The following TMEM163 variants were observed in gnomAD, a reference collection of about 807,000 sequenced individuals.
TMEM163 encodes the protein transmembrane protein 163.
TMEM163 carries 17 observed loss-of-function variants against 29.3 expected under a neutral mutation model. The ratio of observed to expected loss-of-function variants is 0.58; its 90% confidence interval spans 0.40 to 0.87. TMEM163 has a LOEUF of 0.87. TMEM163 is among the 40% of genes least tolerant of loss of function. The probability of loss-of-function intolerance (pLI) is 0.00; values close to 1 mark genes in which losing one functional copy is unlikely to be tolerated. For missense variants in TMEM163, 303 were observed against 381.5 expected, an observed-to-expected ratio of 0.79 and a Z score of 1.71; for synonymous variants, 157 against 160.6, an observed-to-expected ratio of 0.98 and a Z score of 0.17.
chr2:134,500,642 T>TA (rs112559247), intron 5 of TMEM163, among the ~76,000 whole-genome samples: 136 of 144,826 alleles, frequency 9.4e-4, no homozygotes, highest in African/African-American at 2.0e-3. Context: ...GATTCTGCCA[T>TA]AAAAAAAAAA....
intron 6 of TMEM163, 23 bp downstream of exon 6, chr2:134,466,091 T>C: frequency 6.4e-7 from 1 of 1,572,830 alleles, no homozygotes; most frequent in Non-Finnish European, 8.7e-7. Context: ...CCCCCAGAGA[T>C]TAGGCACCCT....
At chr2:134,633,966 CATATATATATATATATATATATATATAT>C (rs535811215) in intron 2 of TMEM163, among the ~76,000 whole-genome samples, 741 of 37,872 alleles carry the variant, frequency 0.02, 40 homozygotes, top group East Asian at 0.068. Context: ...AAAAAAAATA[CATATATATATATATATATATATATATAT>C]ATATATATAT....
intron 2 of TMEM163, among the ~76,000 whole-genome samples, chr2:134,707,296 G>C (rs991068723): frequency 1.3e-5 from 2 of 152,302 alleles, no homozygotes; most frequent in Non-Finnish European, 2.9e-5. Flanking sequence ...CATCTGACAT[G>C]AGGAGCGGCC....
chr2:134,662,899 C>A (rs895201765), intron 2 of TMEM163, among the ~76,000 whole-genome samples: 1 of 152,204 alleles, frequency 6.6e-6, no homozygotes, highest in African/African-American at 2.4e-5. Context: ...GAACCAAGCA[C>A]ACTCCAGTGG....
At chr2:134,618,749 C>T (rs1175818130) in intron 2 of TMEM163, among the ~76,000 whole-genome samples, 1 of 151,930 alleles carries the variant, frequency 6.6e-6, no homozygotes, top group African/African-American at 2.4e-5. Context: ...AGAAATTAAA[C>T]AACACATTTC....
intron 2 of TMEM163, among the ~76,000 whole-genome samples, chr2:134,639,794 A>AT (rs374835005): frequency 6.6e-6 from 1 of 152,038 alleles, no homozygotes; most frequent in Non-Finnish European, 1.5e-5. Context: ...AAATTAAAAT[A>AT]TTTTTTCTGA....
At chr2:134,539,230 A>T (rs1357274165) in intron 4 of TMEM163, among the ~76,000 whole-genome samples, 2 of 152,212 alleles carry the variant, frequency 1.3e-5, no homozygotes, top group African/African-American at 4.8e-5. Flanking sequence ...ATCATGCTAC[A>T]GAAAGATGCT....
chr2:134,649,171 C>T (rs1030688838), intron 2 of TMEM163, among the ~76,000 whole-genome samples: 1 of 152,208 alleles, frequency 6.6e-6, no homozygotes, highest in Non-Finnish European at 1.5e-5. Context: ...ACAAAGTATA[C>T]GTATAATATA....
intron 4 of TMEM163, among the ~76,000 whole-genome samples, chr2:134,516,763 ATATG>A (rs1680077672): frequency 8.1e-5 from 12 of 148,078 alleles, no homozygotes; most frequent in Admixed American, 3.4e-4. Context: ...GAATAGATAT[ATATG>A]TGCATATCTA....
rs138830951 is a variant in TMEM163 at position 134,474,601 on chromosome 2, T to G, written c.556-8376A>C. 5.6e-3 allele frequency among the ~76,000 whole-genome samples: 852 copies of G among 152,302 alleles called. 22 individuals carry two copies. The East Asian group carries it at 0.078, about 14-fold the overall frequency. On this transcript the variant is annotated intron_variant, in intron 5 of 7. Transcript: ENST00000281924. ...TTACAGACTACATAATTTTCTATTT[T>G]GAAAACCCTCACTAATTTACCATTC...
intron 2 of TMEM163, among the ~76,000 whole-genome samples, chr2:134,554,330 G>A (rs1680999270): frequency 6.6e-6 from 1 of 150,516 alleles, no homozygotes; most frequent in Non-Finnish European, 1.5e-5. Flanking sequence ...GCAGGCTGAG[G>A]CAGGAGAATC....
chr2:134,508,674 T>C (rs1417506837), intron 4 of TMEM163, among the ~76,000 whole-genome samples: 1 of 151,986 alleles, frequency 6.6e-6, no homozygotes, highest in Non-Finnish European at 1.5e-5. Flanking sequence ...TATCAATGCC[T>C]CTCTCCTCTC....
At chr2:134,577,900 A>AG (rs1343305433) in intron 2 of TMEM163, among the ~76,000 whole-genome samples, 1 of 152,218 alleles carries the variant, frequency 6.6e-6, no homozygotes, top group Non-Finnish European at 1.5e-5. Context: ...AGGTATTGTA[A>AG]GTACATCTAG....
intron 4 of TMEM163, among the ~76,000 whole-genome samples, chr2:134,525,043 C>CT (rs58693553): frequency 0.016 from 2,461 of 152,226 alleles, 90 homozygotes; most frequent in African/African-American, 0.057. Flanking sequence ...TGTTTCTTGA[C>CT]TTTTTAATAA....
chr2:134,704,196 G>A (rs927858634), intron 2 of TMEM163, among the ~76,000 whole-genome samples: 1 of 152,100 alleles, frequency 6.6e-6, no homozygotes, highest in African/African-American at 2.4e-5. Flanking sequence ...CCATGTCCAT[G>A]TTACTATCTC....
intron 2 of TMEM163, among the ~76,000 whole-genome samples, chr2:134,682,656 T>C (rs1183343014): frequency 1.3e-5 from 2 of 152,130 alleles, no homozygotes; most frequent in African/African-American, 4.8e-5. Context: ...CACTGATGAA[T>C]AGGTGGAGCG....
intron 2 of TMEM163, among the ~76,000 whole-genome samples, chr2:134,644,965 G>GCCACAT (rs1558975790): frequency 6.6e-6 from 1 of 152,074 alleles, no homozygotes; most frequent in African/African-American, 2.4e-5. Context: ...GCCTTGAAAA[G>GCCACAT]CCACATTACT....
intron 5 of TMEM163, among the ~76,000 whole-genome samples, chr2:134,479,828 C>T (rs1488773843): frequency 1.3e-5 from 2 of 152,226 alleles, no homozygotes; most frequent in Non-Finnish European, 2.9e-5. Context: ...ATGCTACCCA[C>T]CCTGCTGCTT....
intron 2 of TMEM163, among the ~76,000 whole-genome samples, chr2:134,614,864 A>C (rs939832218): frequency 6.6e-6 from 1 of 152,164 alleles, no homozygotes; most frequent in Non-Finnish European, 1.5e-5. Context: ...TAAAAAAAAA[A>C]AACAAAACAC....
Sources: gnomAD v4.1 joint callset for allele counts (sites outside exome capture counted in the v4.1 genomes callset) on GRCh38, gnomAD v4.1.1 for gene constraint, MANE v1.5 for transcripts, NCBI Gene and HGNC (gene_info 2026-07-23, HGNC 2026-07-21) for gene names.